The following CACNA2D3 variants were observed in gnomAD, a reference collection of about 807,000 sequenced individuals.
The protein encoded by CACNA2D3 is voltage-dependent calcium channel subunit alpha-2/delta-3.
Under a neutral mutation model 160.6 loss-of-function variants are expected in CACNA2D3, and 60 were observed. That is an observed-to-expected ratio of 0.37 (90% CI 0.30 to 0.46). CACNA2D3 has a LOEUF of 0.46. CACNA2D3 is among the 20% of genes least tolerant of loss of function. CACNA2D3 has a pLI of 1.00. For missense variants in CACNA2D3, 1,205 were observed against 1,365.0 expected (o/e 0.88, Z 1.85); for synonymous variants, 558 against 492.9 (o/e 1.13, Z -1.75).
At chr3:54,446,798 G>C (rs1473806184) in intron 4 of CACNA2D3, among the ~76,000 whole-genome samples, 1 of 152,002 alleles carries the variant, frequency 6.6e-6, no homozygotes, top group Non-Finnish European at 1.5e-5. Context: ...GCCCCAGCAT[G>C]CCCTTCCCTG....
chr3:54,668,514 T>C (rs1700107140), intron 11 of CACNA2D3, among the ~76,000 whole-genome samples: 1 of 152,262 alleles, frequency 6.6e-6, no homozygotes, highest in Non-Finnish European at 1.5e-5. Context: ...AGTCACTGTT[T>C]ACACAGGCTT....
intron 6 of CACNA2D3, among the ~76,000 whole-genome samples, 155 bp from the exon 7 acceptor site, chr3:54,569,640 G>A (rs914796351): frequency 6.6e-6 from 1 of 152,194 alleles, no homozygotes; most frequent in African/African-American, 2.4e-5. Context: ...GCTCCTTCCT[G>A]GATTTGGCGA....
At chr3:54,309,782 A>T (rs546749791) in intron 2 of CACNA2D3, among the ~76,000 whole-genome samples, 1 of 152,084 alleles carries the variant, frequency 6.6e-6, no homozygotes, top group South Asian at 2.1e-4. Context: ...GTTGCTTTCG[A>T]TATTGGTTCA....
intron 5 of CACNA2D3, among the ~76,000 whole-genome samples, chr3:54,528,584 C>A (rs760746762): frequency 6.6e-6 from 1 of 152,072 alleles, no homozygotes; most frequent in African/African-American, 2.4e-5. Context: ...TTGCTTATTT[C>A]TTTTGATTTG....
At chr3:54,591,776 T>A (rs895183462) in intron 9 of CACNA2D3, among the ~76,000 whole-genome samples, 1 of 152,072 alleles carries the variant, frequency 6.6e-6, no homozygotes. Context: ...ACATCCTTTG[T>A]GTGATGGGGA....
chr3:54,700,742 C>T (rs776350007), intron 11 of CACNA2D3, among the ~76,000 whole-genome samples: 11 of 152,288 alleles, frequency 7.2e-5, no homozygotes, highest in African/African-American at 2.6e-4. Flanking sequence ...TTATCCTATG[C>T]ATTGGGCTCT....
chr3:54,236,360 T>C, intron 2 of CACNA2D3, among the ~76,000 whole-genome samples: 1 of 152,212 alleles, frequency 6.6e-6, no homozygotes, highest in East Asian at 1.9e-4. Context: ...AATACACCAA[T>C]AAATGTAAGT....
chr3:54,482,026 GAAGAAATATGCATC>G (rs796876473), intron 4 of CACNA2D3, among the ~76,000 whole-genome samples: 9 of 152,262 alleles, frequency 5.9e-5, no homozygotes, highest in African/African-American at 2.2e-4. Context: ...GTAACACTTG[GAAGAAATATGCATC>G]AAGAAATATG....
chr3:54,736,016 T>TACACACACACACACACAC lies in CACNA2D3; in HGVS notation c.1168-16578_1168-16577insCACACACACACACACACA, dbSNP rs1283143287. On this transcript the variant is annotated intron_variant, in intron 11 of 37. Coordinates refer to ENST00000474759, the MANE Select transcript of CACNA2D3 (RefSeq NM_018398.3). ...ATACATATATATATATGTATATATA[T>TACACACACACACACACAC]ACACATACATATATATATGTATATA... Among the ~76,000 whole-genome samples, 60 of 86,646 alleles carry TACACACACACACACACAC rather than the reference T, an allele frequency of 6.9e-4. 5 individuals are homozygous for TACACACACACACACACAC. The highest frequency in any genetic ancestry group is 9.2e-4 in the Non-Finnish European group (39 of 42,396). The allele number at this position is 86,646 out of a possible 152,430, so 56.8% of individuals were successfully genotyped here.
chr3:54,460,463 T>G (rs1700481870), intron 4 of CACNA2D3, among the ~76,000 whole-genome samples: 1 of 152,224 alleles, frequency 6.6e-6, no homozygotes, highest in African/African-American at 2.4e-5. Flanking sequence ...AGCAGTGGTT[T>G]GTAGTTCTCC....
At chr3:54,359,905 T>C (rs536383026) in intron 3 of CACNA2D3, among the ~76,000 whole-genome samples, 1 of 152,352 alleles carries the variant, frequency 6.6e-6, no homozygotes, top group African/African-American at 2.4e-5. Flanking sequence ...AAGAGAGTCA[T>C]GCTCAGACCT....
chr3:54,301,215 C>A (rs1416380961), intron 2 of CACNA2D3, among the ~76,000 whole-genome samples: 3 of 151,620 alleles, frequency 2.0e-5, no homozygotes, highest in Non-Finnish European at 4.4e-5. Context: ...TATGACTGAG[C>A]CACTGCACTT....
chr3:54,846,958 C>T (rs1477860572), intron 17 of CACNA2D3, among the ~76,000 whole-genome samples: 1 of 152,206 alleles, frequency 6.6e-6, no homozygotes, highest in Non-Finnish European at 1.5e-5. Context: ...TATTCAACAG[C>T]TTTTTTGTTA....
intron 2 of CACNA2D3, among the ~76,000 whole-genome samples, chr3:54,198,570 T>C (rs893826862): frequency 1.3e-5 from 2 of 152,262 alleles, no homozygotes; most frequent in East Asian, 3.8e-4. Flanking sequence ...ATTAAATTGG[T>C]CAATTTTTAG....
intron 2 of CACNA2D3, among the ~76,000 whole-genome samples, chr3:54,279,976 A>G (rs1401992909): frequency 6.6e-6 from 1 of 152,242 alleles, no homozygotes; most frequent in African/African-American, 2.4e-5. Context: ...AGCCTAGGCT[A>G]GTTCCACCTG....
At chr3:54,193,763 T>G (rs1042444685) in intron 2 of CACNA2D3, among the ~76,000 whole-genome samples, 5 of 152,170 alleles carry the variant, frequency 3.3e-5, no homozygotes, top group Non-Finnish European at 7.3e-5. Context: ...TTACAATGTG[T>G]TGTTGTTGAG....
chr3:54,982,253 C>T (rs1214486404), intron 29 of CACNA2D3, among the ~76,000 whole-genome samples: 2 of 152,176 alleles, frequency 1.3e-5, no homozygotes, highest in African/African-American at 4.8e-5. Context: ...TGAGAGGAGC[C>T]TCTAACCCCC....
At chr3:54,747,109 T>G (rs1261027887) in intron 11 of CACNA2D3, among the ~76,000 whole-genome samples, 1 of 152,126 alleles carries the variant, frequency 6.6e-6, no homozygotes, top group East Asian at 1.9e-4. Context: ...TTTCTTAATG[T>G]TTGGTCTCAC....
chr3:54,705,500 C>T (rs913856076), intron 11 of CACNA2D3, among the ~76,000 whole-genome samples: 3 of 152,178 alleles, frequency 2.0e-5, no homozygotes, highest in African/African-American at 7.2e-5. Context: ...TGATTTGCTC[C>T]TTTGTTTGTT....
Sources: allele counts gnomAD v4.1 joint callset (sites outside exome capture counted in the v4.1 genomes callset), GRCh38; gene constraint gnomAD v4.1.1; transcripts MANE v1.5; gene names NCBI Gene and HGNC (gene_info 2026-07-23, HGNC 2026-07-21).